Variants in MCM5 observed in about 807,000 individuals in gnomAD.
MCM5 encodes the protein minichromosome maintenance complex component 5, also known as DNA replication licensing factor MCM5.
Under a neutral mutation model 79.9 loss-of-function variants are expected in MCM5, and 46 were observed. The observed-to-expected ratio is 0.58, with a 90% CI of 0.45 to 0.74. MCM5 has a LOEUF of 0.74. Among genes scored for constraint, MCM5 ranks in the 30% least tolerant of loss-of-function variants. The pLI is 0.00. For synonymous variants in MCM5, 404 were observed against 390.5 expected, an observed-to-expected ratio of 1.03 and a Z score of -0.41; for missense variants, 883 against 1,017.0, an observed-to-expected ratio of 0.87 and a Z score of 1.79.
chr22:35,437,473 T>A, the MCM5 span, among the ~76,000 whole-genome samples: 1 of 152,188 alleles, frequency 6.6e-6, no homozygotes, highest in South Asian at 2.1e-4. Flanking sequence ...AGGAAACAGC[T>A]GAGAGATGGA....
downstream of MCM5, among the ~76,000 whole-genome samples, chr22:35,428,579 A>T (rs188078939): frequency 1.3e-5 from 2 of 152,142 alleles, no homozygotes; most frequent in Admixed American, 6.5e-5. Flanking sequence ...TACATACGTA[A>T]AAAACCTACT....
the MCM5 span, among the ~76,000 whole-genome samples, chr22:35,438,587 C>CCATG: frequency 8.5e-5 from 5 of 58,896 alleles, no homozygotes; most frequent in African/African-American, 4.0e-4. Flanking sequence ...ATCCATCCAT[C>CCATG]CATCCATGCA....
chr22:35,412,015 A>G (rs1039966302), intron 7 of MCM5, among the ~76,000 whole-genome samples: 27 of 152,054 alleles, frequency 1.8e-4, no homozygotes, highest in Non-Finnish European at 4.4e-5. Context: ...CTAATCACTC[A>G]GGAACTCTGG....
At chr22:35,420,742 C>A (rs918712839) in intron 14 of MCM5, among the ~76,000 whole-genome samples, 9 of 152,308 alleles carry the variant, frequency 5.9e-5, no homozygotes, top group African/African-American at 2.2e-4. Context: ...CTTGGACTTA[C>A]AACTTACTGC....
At chr22:35,401,545 A>G (rs1196217470) in intron 2 of MCM5, 1 of 468,168 alleles carries the variant, frequency 2.1e-6, no homozygotes, top group Non-Finnish European at 4.4e-6. Flanking sequence ...TGCAGAGAAC[A>G]TGAGGTTGCA....
the MCM5 span, among the ~76,000 whole-genome samples, chr22:35,435,058 G>A: frequency 6.6e-6 from 1 of 152,216 alleles, no homozygotes; most frequent in African/African-American, 2.4e-5. Context: ...GGCTGAGGCA[G>A]GAGAATTGCT....
At chr22:35,413,227 G>T (rs1932440142) in intron 8 of MCM5, among the ~76,000 whole-genome samples, 1 of 152,012 alleles carries the variant, frequency 6.6e-6, no homozygotes, top group African/African-American at 2.4e-5. Context: ...TGTATTTTTA[G>T]TAGAGACAGG....
rs565139173 is a variant in MCM5, at chr22:35,403,046, A to G, written c.168-161A>G. Reference sequence around the variant, plus strand: ...GTGAGTAGCCTCTGCAGGGTTAAATAATGGAATGATCTGGAATTAGATGTG... The same window carrying G: ...GTGAGTAGCCTCTGCAGGGTTAAATGATGGAATGATCTGGAATTAGATGTG... On this transcript the variant is annotated intron_variant, in intron 2 of 16. Coordinates refer to ENST00000216122, the MANE Select transcript of MCM5 (RefSeq NM_006739.4). 3.9e-5 allele frequency among the ~76,000 whole-genome samples: 6 copies of G among 152,192 alleles called. No homozygotes were observed. The South Asian group carries it at 1.0e-3, about 26-fold the overall frequency.
rs141917933 is a variant in MCM5 at position 35,416,704 on chromosome 22, C to T, written c.1480C>T (p.Arg494Cys). 6.0e-5 allele frequency: 97 copies of T among 1,614,128 alleles called. No individual in the cohort carries two copies. Among genetic ancestry groups the T allele is most frequent in the Admixed American group, 8.3e-5 (5 of 60,016 alleles). Residue 494 changes from arginine (R) to cysteine (C), a missense_variant, in exon 12 of 17, where the codon CGC becomes TGC. Physicochemically the swap from Arg to Cys is radical, Grantham distance 180. Coordinates refer to ENST00000216122, the MANE Select transcript of MCM5 (RefSeq NM_006739.4). ...GGCTGCTGCCAACTCAGTGTTCGGC[C>T]GCTGGGATGAGACGAAGGGGGAGGA... ...VLAAANSVFG[R>C]WDETKGEDNI...
At chr22:35,420,122 ATAG>A in intron 14 of MCM5, 110 bp downstream of exon 14, 1 of 1,314,372 alleles carries the variant, frequency 7.6e-7, no homozygotes, top group Non-Finnish European at 1.0e-6. Context: ...GCACAGGCCC[ATAG>A]TAGCTCTGGG....
At chr22:35,447,133 G>A in the MCM5 span, among the ~76,000 whole-genome samples, 218 of 152,234 alleles carry the variant, frequency 1.4e-3, 2 homozygotes, top group Admixed American at 0.012. Context: ...CATCAGCCTC[G>A]GGCTTCCCGG....
chr22:35,415,881 T>C lies in MCM5; in HGVS notation c.1256T>C (p.Met419Thr), dbSNP rs1289506885. ...GCAGCTGGACTGACAGCCTCGGTGA[T>C]GAGGGACCCTTCGTCCCGGAATTTC... Reference protein sequence around the residue: ...SSAAGLTASVMRDPSSRNFIM... With the variant: ...SSAAGLTASVTRDPSSRNFIM... The change falls in exon 10 of 17, where the codon ATG becomes ACG. Residue 419 changes from methionine (M) to threonine (T), a missense_variant. Transcript: ENST00000216122. 1.2e-6 allele frequency: 2 copies of C among 1,614,052 alleles called. No homozygotes were observed. The highest frequency in any genetic ancestry group is 1.7e-6 in the Non-Finnish European group (2 of 1,180,004).
At position 35,421,406 on chromosome 22, in the gene MCM5, C is replaced by T. The variant is rs748702841; in HGVS notation, c.1921C>T (p.Leu641=). ...CACAGAGGCAGATGTGGAGGAGGCC[C>T]TGCGGCTCTTCCAAGTGTCCACGTT... is the stretch of plus-strand genomic sequence containing the variant. ...FATEADVEEA[L]RLFQVSTLDA... is the part of the protein sequence containing the mutation. The change falls in exon 15 of 17, where the codon CTG becomes TTG. Residue 641 remains leucine (L), a synonymous_variant. Coordinates refer to ENST00000216122, the MANE Select transcript of MCM5 (RefSeq NM_006739.4). 1 of 1,614,186 alleles carries T rather than the reference C, an allele frequency of 6.2e-7. No homozygotes were observed.
the MCM5 span, among the ~76,000 whole-genome samples, chr22:35,445,154 T>C: frequency 2.6e-5 from 4 of 152,126 alleles, no homozygotes; most frequent in African/African-American, 9.7e-5. Context: ...CCATGGGAAC[T>C]TCCTGAGTCT....
chr22:35,412,716 G>A (rs372657284), intron 8 of MCM5, 35 bp downstream of exon 8: 196 of 1,406,418 alleles, frequency 1.4e-4, no homozygotes, highest in East Asian at 5.0e-4. Context: ...TTGGGGAGGC[G>A]GCTGATGATG....
In MCM5 at chr22:35,424,304, C is replaced by A. The variant is rs2145805141; in HGVS notation, c.*49C>A. The A allele has an allele frequency of 1.5e-6, 2 of 1,301,130 alleles. No individual in the cohort carries two copies. The highest frequency in any genetic ancestry group is 1.4e-5 in the South Asian group (1 of 72,654). 80.6% of individuals were successfully genotyped at this position (1,301,130 alleles called of 1,614,324 possible). A position where few individuals can be genotyped will look rare whatever the true frequency, so the allele number is the denominator to read the frequency against. ...TGGACTCGCCCACGCCTCGCCCCTCCTGCCGCTGCCTGCCATTGACAATGT... is the reference window on the plus strand; with the variant it reads ...TGGACTCGCCCACGCCTCGCCCCTCATGCCGCTGCCTGCCATTGACAATGT... On this transcript the variant is annotated 3_prime_UTR_variant, in exon 17 of 17. Transcript: ENST00000216122.
chr22:35,410,533 ACCAT>A, intron 6 of MCM5: 1 of 556,134 alleles, frequency 1.8e-6, no homozygotes, highest in Non-Finnish European at 3.3e-6. Context: ...TGTGGGCAAC[ACCAT>A]CCTCCAAGCA....
At chr22:35,449,346 CCCCT>C in the MCM5 span, among the ~76,000 whole-genome samples, 10 of 152,226 alleles carry the variant, frequency 6.6e-5, no homozygotes, top group African/African-American at 2.2e-4. Flanking sequence ...AGGCTCCTTG[CCCCT>C]ATCGTGTCTC....
At chr22:35,453,612 CAG>C in the MCM5 span, among the ~76,000 whole-genome samples, 12 of 148,942 alleles carry the variant, frequency 8.1e-5, no homozygotes, top group Admixed American at 2.7e-4. Flanking sequence ...TAAATAGAGA[CAG>C]AGAGATAAAG....
Sources: allele counts gnomAD v4.1 joint callset (sites outside exome capture counted in the v4.1 genomes callset), GRCh38; gene constraint gnomAD v4.1.1; transcripts MANE v1.5; gene names NCBI Gene and HGNC (gene_info 2026-07-23, HGNC 2026-07-21).